GIMD1: variants seen among roughly 807,000 people sequenced by gnomAD.
The protein encoded by GIMD1 is GIMAP family P-loop NTPase domain containing 1, also known as GTPase IMAP family member GIMD1.
GIMD1 carries 14 observed loss-of-function variants against 14.9 expected under a neutral mutation model. The observed-to-expected ratio is 0.94, with a 90% CI of 0.62 to 1.47. The LOEUF (loss-of-function observed/expected upper bound fraction) is 1.47. Among genes scored for constraint, GIMD1 ranks in the 40% most tolerant of loss-of-function variants. GIMD1 has a pLI of 0.00. For synonymous variants in GIMD1, 91 were observed against 90.5 expected (o/e 1.01, Z -0.03); for missense variants, 272 against 255.3 (o/e 1.07, Z -0.44).
intron 2 of GIMD1, among the ~76,000 whole-genome samples, chr4:106,363,883 TG>T (rs34967487): frequency 0.45 from 35,427 of 78,096 alleles, 7,374 homozygotes; most frequent in African/African-American, 0.63. Context: ...AATACCATAA[TG>T]GGGGGGGGGG....
Position 106,367,072 on chromosome 4 carries a change from C to T in GIMD1, c.364G>A (p.Glu122Lys). 6 of 1,532,154 alleles carry T rather than the reference C, an allele frequency of 3.9e-6. No homozygotes were observed. Among genetic ancestry groups the T allele is most frequent in the South Asian group, 2.4e-5 (2 of 83,416 alleles). The allele number at this position is 1,532,154 out of a possible 1,614,324, so 94.9% of individuals were successfully genotyped here. A position where few individuals can be genotyped will look rare whatever the true frequency, so the allele number is the denominator to read the frequency against. The change falls in exon 2 of 3, where the codon GAA (glutamate) becomes AAA (lysine). Residue 122 changes from glutamate to lysine, a missense_variant. Glu to Lys is a moderately conservative substitution (Grantham distance 56). Transcript: ENST00000638719. ...ATCATCTGGACTGGGTCAGTTACTT[C>T]CTGCCCACAGAAAGGCACATCTGCT... Reference protein sequence around the residue: ...QRADVPFCGQEVTDPVQMIQE... With the variant: ...QRADVPFCGQKVTDPVQMIQE...
intron 2 of GIMD1, 100 bp downstream of exon 2, chr4:106,366,943 G>T: frequency 1.4e-5 from 5 of 355,800 alleles, no homozygotes; most frequent in Non-Finnish European, 2.2e-5. Flanking sequence ...TATACTAATA[G>T]TATAATAATA....
Position 106,367,531 on chromosome 4 carries a change from AT to A in GIMD1, c.-2-95del, listed in dbSNP as rs1770723600. Reference sequence around the variant, plus strand: ...CTGGCCTGGTTGCACTCCAAGTACGATTTTAGATTTGTTTTCCCTTCATTCG... The same window carrying A: ...CTGGCCTGGTTGCACTCCAAGTACGATTTAGATTTGTTTTCCCTTCATTCG... On this transcript the variant is annotated intron_variant, in intron 1 of 2. Transcript: ENST00000638719. 4.9e-6 allele frequency: 6 copies of A among 1,212,776 alleles called. No homozygotes were observed. The Admixed American group carries it at 1.1e-4, about 22-fold the overall frequency. 75.1% of individuals were successfully genotyped at this position (1,212,776 alleles called of 1,614,324 possible). A position where few individuals can be genotyped will look rare whatever the true frequency, so the allele number is the denominator to read the frequency against.
At chr4:106,359,370 A>G (rs1345631755) in intron 2 of GIMD1, among the ~76,000 whole-genome samples, 2 of 151,946 alleles carry the variant, frequency 1.3e-5, no homozygotes, top group East Asian at 1.9e-4. Context: ...CAAAATGCCT[A>G]GGAATAAACA....
chr4:106,363,904 G>A (rs62318125), intron 2 of GIMD1, among the ~76,000 whole-genome samples: 6,060 of 146,048 alleles, frequency 0.041, 210 homozygotes, highest in Middle Eastern at 0.12. Flanking sequence ...GGGCGGAAAT[G>A]GACCATAGGC....
rs1770719589 is a variant in GIMD1, at chr4:106,367,331, G to A, written c.105C>T (p.His35=). 6.5e-7 allele frequency: 1 copy of A among 1,536,050 alleles called. No homozygotes were observed. The highest frequency in any genetic ancestry group is 8.7e-7 in the Non-Finnish European group (1 of 1,146,856). ...TCACAGAACAGGGAGCAAAGCTGCT[G>A]TGAAAGTCTGTGCTTCCCAGCAGAA... The part of the protein sequence containing the change: ...GNILLGSTDF[H]SSFAPCSVTT... The change falls in exon 2 of 3, where the codon CAC becomes CAT. Residue 35 remains histidine (H), a synonymous_variant. Transcript: ENST00000638719.
intron 2 of GIMD1, among the ~76,000 whole-genome samples, chr4:106,359,701 A>C (rs1202411233): frequency 6.6e-6 from 1 of 151,764 alleles, no homozygotes; most frequent in Non-Finnish European, 1.5e-5. Flanking sequence ...AATTGAAAAC[A>C]AAGAAAAAAG....
intron 2 of GIMD1, among the ~76,000 whole-genome samples, chr4:106,365,335 A>G (rs1004250704): frequency 1.3e-5 from 2 of 148,914 alleles, no homozygotes; most frequent in East Asian, 2.0e-4. Context: ...AGCATTTTTT[A>G]TGCTCCTGTC....
At chr4:106,359,788 G>C (rs569575623) in intron 2 of GIMD1, among the ~76,000 whole-genome samples, 1 of 151,786 alleles carries the variant, frequency 6.6e-6, no homozygotes, top group East Asian at 1.9e-4. Flanking sequence ...AGTAAGGAAA[G>C]AAGGAATCTG....
chr4:106,367,410 A>G lies in GIMD1; in HGVS notation c.26T>C (p.Ile9Thr), dbSNP rs1188841967. 2 of 1,534,422 alleles carry G rather than the reference A, an allele frequency of 1.3e-6. No individual in the cohort carries two copies. The highest frequency in any genetic ancestry group is 3.9e-5 in the Admixed American group (2 of 50,916). Reference protein sequence around the residue: MTDPNKMIINLALFGMTQS... With the variant: MTDPNKMITNLALFGMTQS... ...AGTCATGCCAAAGAGGGCCAAGTTGATGATCATCTTGTTGGGGTCTGTCAT... is the reference window on the plus strand; with the variant it reads ...AGTCATGCCAAAGAGGGCCAAGTTGGTGATCATCTTGTTGGGGTCTGTCAT... Residue 9 changes from isoleucine to threonine, a missense_variant, in exon 2 of 3, where the codon ATC becomes ACC. Ile to Thr is a moderately conservative substitution (Grantham distance 89, BLOSUM62 -1). Coordinates refer to ENST00000638719, the MANE Select transcript of GIMD1 (RefSeq NM_001195138.2).
At chr4:106,362,478 A>T (rs1770627927) in intron 2 of GIMD1, among the ~76,000 whole-genome samples, 1 of 152,112 alleles carries the variant, frequency 6.6e-6, no homozygotes, top group South Asian at 2.1e-4. Context: ...ATGATCAATC[A>T]TGAATTGTTT....
chr4:106,365,321 G>C (rs950835807), intron 2 of GIMD1, among the ~76,000 whole-genome samples: 2 of 150,606 alleles, frequency 1.3e-5, no homozygotes, highest in African/African-American at 4.9e-5. Flanking sequence ...GGAGTTACAT[G>C]ATGAGCATTT....
At chr4:106,358,767 C>T (rs1201657219) in intron 2 of GIMD1, among the ~76,000 whole-genome samples, 2 of 151,888 alleles carry the variant, frequency 1.3e-5, no homozygotes, top group Non-Finnish European at 2.9e-5. Flanking sequence ...ATCATTTATA[C>T]TTGTCTGACT....
At chr4:106,363,946 G>A (rs2125934330) in intron 2 of GIMD1, among the ~76,000 whole-genome samples, 1 of 151,328 alleles carries the variant, frequency 6.6e-6, no homozygotes, top group African/African-American at 2.4e-5. Context: ...CTGCAGCTTG[G>A]CTGTATGCCA....
chr4:106,363,948 TG>T (rs901593650), intron 2 of GIMD1, among the ~76,000 whole-genome samples: 1 of 150,720 alleles, frequency 6.6e-6, no homozygotes, highest in Non-Finnish European at 1.5e-5. Flanking sequence ...GCAGCTTGGC[TG>T]TATGCCAGCT....
At chr4:106,366,607 T>C (rs1279227336) in intron 2 of GIMD1, among the ~76,000 whole-genome samples, 1 of 152,168 alleles carries the variant, frequency 6.6e-6, no homozygotes, top group Non-Finnish European at 1.5e-5. Context: ...AAAATACAGA[T>C]ATGCAGGCTC....
At chr4:106,362,764 C>A (rs145456435) in intron 2 of GIMD1, among the ~76,000 whole-genome samples, 66 of 152,176 alleles carry the variant, frequency 4.3e-4, no homozygotes, top group African/African-American at 1.3e-3. Flanking sequence ...CTTACTCTCA[C>A]CCCAATTAAA....
At chr4:106,365,740 G>A (rs938171778) in intron 2 of GIMD1, among the ~76,000 whole-genome samples, 3 of 152,110 alleles carry the variant, frequency 2.0e-5, no homozygotes, top group South Asian at 2.1e-4. Context: ...TCAGACTGAA[G>A]AATCAACAGA....
At position 106,367,089 on chromosome 4, in the gene GIMD1, A is replaced by G. The variant is rs1770713498; in HGVS notation, c.347T>C (p.Val116Ala). 6.5e-7 allele frequency: 1 copy of G among 1,534,824 alleles called. No individual in the cohort carries two copies. Among genetic ancestry groups the G allele is most frequent in the African/African-American group, 1.4e-5 (1 of 72,960 alleles). Residue 116 changes from valine (V) to alanine (A), a missense_variant, in exon 2 of 3, where the codon GTG (valine) becomes GCG (alanine). Coordinates refer to ENST00000638719, the MANE Select transcript of GIMD1 (RefSeq NM_001195138.2). ...HLALLVQRAD[V>A]PFCGQEVTDP... Reference sequence around the variant, plus strand: ...AGTTACTTCCTGCCCACAGAAAGGCACATCTGCTCTCTGAACCAGGAGTGC... The same window carrying G: ...AGTTACTTCCTGCCCACAGAAAGGCGCATCTGCTCTCTGAACCAGGAGTGC...
Sources: gnomAD v4.1 joint callset for allele counts (sites outside exome capture counted in the v4.1 genomes callset) on GRCh38, gnomAD v4.1.1 for gene constraint, MANE v1.5 for transcripts, NCBI Gene and HGNC (gene_info 2026-07-23, HGNC 2026-07-21) for gene names.